Variants in COL21A1 observed in about 807,000 individuals in gnomAD.
COL21A1 encodes the protein collagen type XXI alpha 1 chain.
COL21A1 carries 149 observed loss-of-function variants against 137.9 expected under a neutral mutation model. The ratio of observed to expected loss-of-function variants is 1.08; its 90% CI spans 0.95 to 1.24. The LOEUF is 1.24. Among genes scored for constraint, COL21A1 ranks in the 50% most tolerant of loss-of-function variants. COL21A1 has a pLI of 0.00. For missense variants in COL21A1, 1,167 were observed against 1,158.4 expected (o/e 1.01, Z -0.11); for synonymous variants, 456 against 391.5 (o/e 1.16, Z -1.95).
rs140423234 is a variant in COL21A1, at chr6:56,089,059, G to A, written c.1813-11486C>T. Among the ~76,000 whole-genome samples, 214 of 152,126 alleles carry A rather than the reference G, an allele frequency of 1.4e-3. 1 individual carries two copies. Among genetic ancestry groups the A allele is most frequent in the African/African-American group, 5.1e-3 (211 of 41,508 alleles). On this transcript the variant is annotated intron_variant, in intron 17 of 29. Transcript: ENST00000244728. The stretch of plus-strand genomic sequence containing the variant: ...CCCCCCTTAACTCCCAAAATGCTGG[G>A]GTTACAGGCTTGAACCACCACACTC...
upstream of COL21A1, among the ~76,000 whole-genome samples, chr6:56,248,761 A>C (rs934398253): frequency 5.3e-5 from 8 of 152,232 alleles, no homozygotes; most frequent in Admixed American, 5.2e-4. Context: ...TCAAATGATC[A>C]TTTCCTGAAT....
At chr6:56,219,996 G>A (rs968631900) in intron 1 of COL21A1, among the ~76,000 whole-genome samples, 5 of 152,080 alleles carry the variant, frequency 3.3e-5, no homozygotes, top group African/African-American at 1.2e-4. Context: ...CAGAAAAAGA[G>A]TTTTTAGAGG....
Position 56,180,114 on chromosome 6 carries a change from G to A in COL21A1, c.104C>T (p.Pro35Leu), listed in dbSNP as rs780767815. The change falls in exon 3 of 30, where the codon CCG becomes CTG. Residue 35 changes from proline (P) to leucine (L), a missense_variant. Physicochemically the swap from Pro to Leu is moderately conservative, Grantham distance 98. Coordinates refer to ENST00000244728, the MANE Select transcript of COL21A1 (RefSeq NM_030820.4). The part of the protein sequence containing the change: ...GEVRSSCRTA[P>L]TDLVFILDGS... ...ATCTAAGATGAAAACTAAATCTGTC[G>A]GAGCAGTACGACAACCTAAGTGCAA... is the stretch of plus-strand genomic sequence containing the variant. The A allele has an allele frequency of 2.2e-5, 36 of 1,610,192 alleles. No homozygotes were observed. The highest frequency in any genetic ancestry group is 4.5e-5 in the East Asian group (2 of 44,850).
intron 17 of COL21A1, chr6:56,077,971 T>C: frequency 2.3e-6 from 1 of 426,184 alleles, no homozygotes. Context: ...GCCCTCAGTG[T>C]CACCACCTTA....
At chr6:56,065,818 T>C (rs1424910266) in intron 23 of COL21A1, among the ~76,000 whole-genome samples, 1 of 151,942 alleles carries the variant, frequency 6.6e-6, no homozygotes, top group Non-Finnish European at 1.5e-5. Context: ...GGGGCACGAT[T>C]AAAGGACTCC....
intron 1 of COL21A1, among the ~76,000 whole-genome samples, chr6:56,325,010 T>A (rs1319762145): frequency 6.6e-6 from 1 of 151,202 alleles, no homozygotes; most frequent in Non-Finnish European, 1.5e-5. Flanking sequence ...TTTCTCCTAG[T>A]TTATTACCAT....
At chr6:56,330,321 G>A (rs1482251803) in intron 1 of COL21A1, among the ~76,000 whole-genome samples, 1 of 152,004 alleles carries the variant, frequency 6.6e-6, no homozygotes, top group Admixed American at 6.6e-5. Context: ...TAAACACAGA[G>A]AGAATACATT....
intron 1 of COL21A1, among the ~76,000 whole-genome samples, chr6:56,187,469 G>A (rs1778375342): frequency 6.6e-6 from 1 of 152,116 alleles, no homozygotes; most frequent in Admixed American, 6.5e-5. Flanking sequence ...AGAAAGCATG[G>A]TACTATATTG....
chr6:56,160,119 T>C (rs1252693272), intron 9 of COL21A1, among the ~76,000 whole-genome samples: 1 of 152,218 alleles, frequency 6.6e-6, no homozygotes, highest in African/African-American at 2.4e-5. Flanking sequence ...AGGTTTGGTA[T>C]TGTTCCTATA....
intron 1 of COL21A1, among the ~76,000 whole-genome samples, chr6:56,193,512 C>A (rs934343544): frequency 7.9e-5 from 12 of 152,220 alleles, no homozygotes; most frequent in African/African-American, 2.9e-4. Flanking sequence ...TGTTAGAAAT[C>A]AGGAAACCTT....
Position 56,164,812 on chromosome 6 carries a change from A to G in COL21A1, c.1287+2T>C. On this transcript the variant is annotated splice_donor_variant, in intron 8 of 29. Coordinates refer to ENST00000244728, the MANE Select transcript of COL21A1 (RefSeq NM_030820.4). LOFTEE classifies it high-confidence loss of function. ...AAGGGGAACAATAGTATCCAAGCCT[A>G]CCTCTCCATTCTGAAAGAAAAACAA... 2 of 1,566,236 alleles carry G rather than the reference A, an allele frequency of 1.3e-6. No individual in the cohort carries two copies. Among genetic ancestry groups the G allele is most frequent in the Non-Finnish European group, 1.7e-6 (2 of 1,154,016 alleles).
At chr6:56,366,053 G>T (rs1183455208) in intron 1 of COL21A1, among the ~76,000 whole-genome samples, 1 of 152,136 alleles carries the variant, frequency 6.6e-6, no homozygotes, top group Non-Finnish European at 1.5e-5. Flanking sequence ...CAAGGAAAAG[G>T]TTAATGCAAA....
intron 1 of COL21A1, among the ~76,000 whole-genome samples, chr6:56,325,018 C>T (rs1398282063): frequency 6.6e-6 from 1 of 151,012 alleles, no homozygotes; most frequent in Non-Finnish European, 1.5e-5. Flanking sequence ...AGTTTATTAC[C>T]ATTAGATCAT....
chr6:56,260,643 G>GAAAAAA (rs1562028822), intron 1 of COL21A1, among the ~76,000 whole-genome samples: 4 of 52,076 alleles, frequency 7.7e-5, no homozygotes, highest in Admixed American at 1.9e-4. Context: ...AAGGAAGGAA[G>GAAAAAA]GAAGGAAGGA....
chr6:56,269,910 T>C (rs1373582507), intron 1 of COL21A1, among the ~76,000 whole-genome samples: 1 of 152,124 alleles, frequency 6.6e-6, no homozygotes, highest in Non-Finnish European at 1.5e-5. Flanking sequence ...CAAATCAGAC[T>C]TACAAGAGGT....
At chr6:56,069,673 T>G (rs1285286627) in intron 21 of COL21A1, among the ~76,000 whole-genome samples, 2 of 150,546 alleles carry the variant, frequency 1.3e-5, no homozygotes, top group African/African-American at 4.8e-5. Context: ...TAATTTTATC[T>G]TTTAATCTCT....
At position 56,338,049 on chromosome 6, in the gene COL21A1, G is replaced by A. The variant is rs930011991; in HGVS notation, c.-39+55922C>T. On this transcript the variant is annotated intron_variant, in intron 1 of 28. Coordinates refer to the COL21A1 transcript ENST00000370819. Reference sequence around the variant, plus strand: ...GCAATCTCGGCTCACTGCAACCTCCGCCTCCCGGGTTCAAGCGATTCTCCT... The same window carrying A: ...GCAATCTCGGCTCACTGCAACCTCCACCTCCCGGGTTCAAGCGATTCTCCT... Among the ~76,000 whole-genome samples, 5 of 143,772 alleles carry A rather than the reference G, an allele frequency of 3.5e-5. No homozygotes were observed. The South Asian group carries it at 7.0e-4, about 20-fold the overall frequency. The allele number at this position is 143,772 out of a possible 152,430, so 94.3% of individuals were successfully genotyped here.
At chr6:56,103,758 T>C (rs916149558) in intron 16 of COL21A1, among the ~76,000 whole-genome samples, 1 of 152,190 alleles carries the variant, frequency 6.6e-6, no homozygotes, top group Non-Finnish European at 1.5e-5. Flanking sequence ...TTATTATCTA[T>C]AGCAGTGATT....
At chr6:56,390,257 T>C (rs1182725355) in intron 1 of COL21A1, among the ~76,000 whole-genome samples, 1 of 152,152 alleles carries the variant, frequency 6.6e-6, no homozygotes, top group African/African-American at 2.4e-5. Context: ...ATCATCAACA[T>C]TGTCATCAGT....
Sources: allele counts gnomAD v4.1 joint callset (sites outside exome capture counted in the v4.1 genomes callset), GRCh38; gene constraint gnomAD v4.1.1; transcripts MANE v1.5; gene names NCBI Gene and HGNC (gene_info 2026-07-23, HGNC 2026-07-21).